Variants in BLTP2 observed in about 807,000 individuals in gnomAD.
The protein encoded by BLTP2 is bridge-like lipid transfer protein family member 2.
At chr17:28,631,140 G>A in the BLTP2 span, among the ~76,000 whole-genome samples, 1 of 152,222 alleles carries the variant, frequency 6.6e-6, no homozygotes, top group South Asian at 2.1e-4. Context: ...TGGGCCTTTG[G>A]GAGGTAATGA....
chr17:28,616,470 T>C, the BLTP2 span: 4 of 1,614,154 alleles, frequency 2.5e-6, no homozygotes, highest in Non-Finnish European at 3.4e-6. This position sits in a 1 kb window ranked among gnomAD's most constrained non-coding sequence, Gnocchi z 4.8. Context: ...TACTGCATCA[T>C]CTGTTGCAAT....
At chr17:28,639,105 C>T in the BLTP2 span, 6 of 593,744 alleles carry the variant, frequency 1.0e-5, no homozygotes, top group East Asian at 1.4e-4. Context: ...CTACACTGAG[C>T]ACCGAGGACA....
chr17:28,620,858 A>G, the BLTP2 span: 1 of 1,004,310 alleles, frequency 1.0e-6, no homozygotes, highest in Non-Finnish European at 1.5e-6. Flanking sequence ...CAAAAAGTAG[A>G]GCAAAGTGAA....
At chr17:28,638,959 C>T in the BLTP2 span, 2 of 435,368 alleles carry the variant, frequency 4.6e-6, no homozygotes, top group East Asian at 4.6e-5. Context: ...TAAACCATAA[C>T]CTTAAGTTCT....
At chr17:28,636,303 T>TC in the BLTP2 span, among the ~76,000 whole-genome samples, 1 of 152,220 alleles carries the variant, frequency 6.6e-6, no homozygotes, top group East Asian at 1.9e-4. Context: ...CCTAAGAGGG[T>TC]CCCATGTCCA....
At chr17:28,622,997 C>A in the BLTP2 span, among the ~76,000 whole-genome samples, 1 of 152,140 alleles carries the variant, frequency 6.6e-6, no homozygotes, top group Admixed American at 6.5e-5. Flanking sequence ...ATGGCTTGAA[C>A]CCGGGAGGCA....
the BLTP2 span, chr17:28,620,738 G>C: frequency 1.0e-5 from 13 of 1,274,378 alleles, no homozygotes; most frequent in Non-Finnish European, 1.3e-5. Context: ...CCCACAGAAA[G>C]GGTGAGAGTT....
chr17:28,641,852 A>G, the BLTP2 span: 1 of 1,567,514 alleles, frequency 6.4e-7, no homozygotes, highest in African/African-American at 1.4e-5. Context: ...AACCCTGAGA[A>G]CAAGGCAGCC....
At chr17:28,624,579 T>C in the BLTP2 span, among the ~76,000 whole-genome samples, 2 of 152,154 alleles carry the variant, frequency 1.3e-5, no homozygotes, top group Non-Finnish European at 2.9e-5. Context: ...GTTATTTCAC[T>C]TTCCCTTCAA....
the BLTP2 span, chr17:28,631,887 C>T: frequency 6.2e-7 from 1 of 1,614,130 alleles, no homozygotes; most frequent in Non-Finnish European, 8.5e-7. Flanking sequence ...TCTGGATGCC[C>T]CGTTGCTGGG....
At chr17:28,639,192 T>C in the BLTP2 span, 2 of 926,814 alleles carry the variant, frequency 2.2e-6, no homozygotes. Flanking sequence ...GGATTGCTGT[T>C]GAGACTCGGA....
chr17:28,632,206 C>T, the BLTP2 span: 8 of 1,612,678 alleles, frequency 5.0e-6, no homozygotes, highest in South Asian at 8.8e-5. Flanking sequence ...GCGCAGGGTA[C>T]TACTATATAG....
At chr17:28,626,522 A>C in the BLTP2 span, among the ~76,000 whole-genome samples, 1 of 152,172 alleles carries the variant, frequency 6.6e-6, no homozygotes, top group Non-Finnish European at 1.5e-5. Flanking sequence ...TGGTCACTGG[A>C]AAGACCCAGG....
the BLTP2 span, among the ~76,000 whole-genome samples, chr17:28,625,354 A>AAAAAAG: frequency 6.8e-6 from 1 of 147,230 alleles, no homozygotes; most frequent in Non-Finnish European, 1.5e-5. Context: ...AAAAAAAAAA[A>AAAAAAG]AAAAGAAAAA....
chr17:28,640,887 C>T, the BLTP2 span, among the ~76,000 whole-genome samples: 1 of 152,186 alleles, frequency 6.6e-6, no homozygotes, highest in Admixed American at 6.5e-5. Context: ...CTAAAGAGTA[C>T]AAGGAGCAGG....
chr17:28,629,299 A>AT, the BLTP2 span, among the ~76,000 whole-genome samples: 190 of 150,074 alleles, frequency 1.3e-3, 1 homozygote, highest in African/African-American at 4.2e-3. Flanking sequence ...CAGTGGTGTG[A>AT]TTTTTTTTTG....
At chr17:28,642,635 A>G in the BLTP2 span, among the ~76,000 whole-genome samples, 1 of 152,174 alleles carries the variant, frequency 6.6e-6, no homozygotes, top group Non-Finnish European at 1.5e-5. Context: ...TAGGCAACAG[A>G]GCAAGACTCT....
the BLTP2 span, chr17:28,642,882 T>C: frequency 4.6e-5 from 74 of 1,592,432 alleles, no homozygotes; most frequent in Non-Finnish European, 5.9e-5. Context: ...TTCCCATCAC[T>C]ATCCAAAAGA....
At chr17:28,630,655 G>C in the BLTP2 span, among the ~76,000 whole-genome samples, 1 of 151,478 alleles carries the variant, frequency 6.6e-6, no homozygotes, top group Admixed American at 6.6e-5. Context: ...TAATTCTTTT[G>C]TATTTTTAGT....
Sources: allele counts gnomAD v4.1 joint callset (sites outside exome capture counted in the v4.1 genomes callset), GRCh38; gene constraint gnomAD v4.1.1; non-coding constraint Gnocchi (gnomAD v3.1); transcripts MANE v1.5; gene names NCBI Gene and HGNC (gene_info 2026-07-23, HGNC 2026-07-21).